The following RNF150 variants were observed in gnomAD, a reference collection of about 807,000 sequenced individuals.
RNF150 encodes ring finger protein 150.
In RNF150, 24 loss-of-function variants were observed where a neutral mutation model predicts 39.3. The observed-to-expected ratio is 0.61, with a 90% CI of 0.44 to 0.86. RNF150 has a LOEUF of 0.86. Among genes scored for constraint, RNF150 ranks in the 40% least tolerant of loss-of-function variants. The pLI is 0.00. For missense variants in RNF150, 502 were observed against 587.8 expected, an observed-to-expected ratio of 0.85 and a Z score of 1.51; for synonymous variants, 255 against 227.3, an observed-to-expected ratio of 1.12 and a Z score of -1.10.
intron 6 of RNF150, among the ~76,000 whole-genome samples, chr4:140,886,190 CAAAA>C (rs1171164182): frequency 1.4e-5 from 1 of 73,358 alleles, no homozygotes; most frequent in Admixed American, 1.8e-4. Context: ...GACTCCATCA[CAAAA>C]AAAAAAAAAA....
chr4:140,998,848 A>C (rs1005081154), intron 1 of RNF150, among the ~76,000 whole-genome samples: 3 of 152,182 alleles, frequency 2.0e-5, no homozygotes, highest in Non-Finnish European at 4.4e-5. Flanking sequence ...GATCTATAAC[A>C]TGCAAACAGC....
intron 6 of RNF150, among the ~76,000 whole-genome samples, chr4:140,885,173 G>T: frequency 6.8e-6 from 1 of 146,024 alleles, no homozygotes; most frequent in East Asian, 2.0e-4. Context: ...AAGAGTTTTA[G>T]TTTCTCTACA....
At chr4:141,209,428 T>C (rs970232570) in intron 1 of RNF150, among the ~76,000 whole-genome samples, 2 of 152,204 alleles carry the variant, frequency 1.3e-5, no homozygotes, top group African/African-American at 2.4e-5. Context: ...TGCCGAACAG[T>C]TGAGCTGATT....
At chr4:141,200,446 G>A (rs373030688) in intron 1 of RNF150, among the ~76,000 whole-genome samples, 2 of 151,122 alleles carry the variant, frequency 1.3e-5, no homozygotes, top group African/African-American at 2.4e-5. Flanking sequence ...ATCACATTGG[G>A]ATACAGACTG....
intron 1 of RNF150, among the ~76,000 whole-genome samples, chr4:141,181,049 A>C (rs533595104): frequency 1.6e-4 from 24 of 152,334 alleles, no homozygotes; most frequent in East Asian, 1.5e-3. Flanking sequence ...ACACATTTTA[A>C]TAAAAGTCTG....
chr4:140,861,259 C>T lies in RNF150; in HGVS notation c.*7002G>A, dbSNP rs1186369396. 1 of 152,092 alleles carries T rather than the reference C, an allele frequency of 6.6e-6. No individual in the cohort carries two copies. The highest frequency in any genetic ancestry group is 6.6e-5 in the Admixed American group (1 of 15,256). The allele number at this position is 152,092 out of a possible 1,614,324, so 9.4% of individuals were successfully genotyped here. A position where few individuals can be genotyped will look rare whatever the true frequency, so the allele number is the denominator to read the frequency against. Reference sequence around the variant, plus strand: ...AGATAACTTACAAAAACAAGCAGTCCCTTGCTTATAACTGCACAAACATTC... The same window carrying T: ...AGATAACTTACAAAAACAAGCAGTCTCTTGCTTATAACTGCACAAACATTC... On this transcript the variant is annotated 3_prime_UTR_variant, in exon 7 of 7. Coordinates refer to ENST00000515673, the MANE Select transcript of RNF150 (RefSeq NM_020724.2).
intron 1 of RNF150, among the ~76,000 whole-genome samples, chr4:141,058,467 G>A (rs112689368): frequency 6.1e-4 from 93 of 152,160 alleles, no homozygotes; most frequent in African/African-American, 1.9e-3. Flanking sequence ...AATATTCTGT[G>A]AACATATTTT....
intron 5 of RNF150, among the ~76,000 whole-genome samples, chr4:140,924,438 T>C (rs1223011716): frequency 6.6e-6 from 1 of 152,246 alleles, no homozygotes; most frequent in East Asian, 1.9e-4. Context: ...TTAAGTTTCA[T>C]TGTCCTGACC....
At chr4:141,206,958 T>C (rs923501788) in intron 1 of RNF150, among the ~76,000 whole-genome samples, 1 of 151,614 alleles carries the variant, frequency 6.6e-6, no homozygotes, top group Non-Finnish European at 1.5e-5. Context: ...TGGAGTCTGA[T>C]GTCCAAGGGC....
chr4:140,935,261 A>C (rs1731819229), intron 4 of RNF150, among the ~76,000 whole-genome samples: 2 of 151,724 alleles, frequency 1.3e-5, no homozygotes, highest in South Asian at 4.2e-4. Flanking sequence ...CAATGGAAGA[A>C]ATTTTTACTT....
chr4:141,196,790 T>C (rs1665637388), intron 1 of RNF150, among the ~76,000 whole-genome samples: 1 of 152,186 alleles, frequency 6.6e-6, no homozygotes, highest in South Asian at 2.1e-4. Flanking sequence ...ACCCTTTTAA[T>C]AAGAGATGAC....
At chr4:141,085,167 G>A (rs926312439) in intron 1 of RNF150, among the ~76,000 whole-genome samples, 5 of 152,214 alleles carry the variant, frequency 3.3e-5, no homozygotes, top group Non-Finnish European at 7.3e-5. Context: ...GCAAAGGCAT[G>A]TCTTACATGG....
At chr4:141,027,659 T>C (rs1301242413) in intron 1 of RNF150, among the ~76,000 whole-genome samples, 1 of 152,144 alleles carries the variant, frequency 6.6e-6, no homozygotes, top group Non-Finnish European at 1.5e-5. Context: ...ATCTTCCCTC[T>C]CTTTTCCTGT....
At chr4:141,117,072 C>G (rs1295868467) in intron 1 of RNF150, among the ~76,000 whole-genome samples, 1 of 152,078 alleles carries the variant, frequency 6.6e-6, no homozygotes, top group Non-Finnish European at 1.5e-5. Context: ...GTGCAGCAAA[C>G]CACCATGGCA....
intron 2 of RNF150, among the ~76,000 whole-genome samples, chr4:140,961,667 C>G (rs754563220): frequency 4.6e-5 from 7 of 152,080 alleles, no homozygotes; most frequent in African/African-American, 7.2e-5. Context: ...TTCCATCCAT[C>G]AAAGGGCTAA....
chr4:140,982,014 T>C (rs1458657143), intron 1 of RNF150, among the ~76,000 whole-genome samples: 1 of 152,200 alleles, frequency 6.6e-6, no homozygotes, highest in Non-Finnish European at 1.5e-5. Context: ...ATGTTATCTA[T>C]AGGCACTTTT....
At chr4:140,922,266 C>T (rs1479412951) in intron 5 of RNF150, among the ~76,000 whole-genome samples, 3 of 151,326 alleles carry the variant, frequency 2.0e-5, no homozygotes, top group African/African-American at 2.4e-5. Context: ...GCAACTTCAG[C>T]GAAGTCTCAG....
chr4:141,111,246 C>T (rs964558188), intron 1 of RNF150, among the ~76,000 whole-genome samples: 5 of 152,170 alleles, frequency 3.3e-5, no homozygotes, highest in African/African-American at 1.2e-4. Flanking sequence ...CTGGGATAAC[C>T]TTGACTAAGG....
At chr4:141,176,924 G>T (rs1036296014) in intron 1 of RNF150, among the ~76,000 whole-genome samples, 6 of 151,970 alleles carry the variant, frequency 3.9e-5, no homozygotes, top group African/African-American at 1.4e-4. Context: ...TCACTTTAAA[G>T]TGGGTTTTTG....
Sources: allele counts gnomAD v4.1 joint callset (sites outside exome capture counted in the v4.1 genomes callset), GRCh38; gene constraint gnomAD v4.1.1; transcripts MANE v1.5; gene names NCBI Gene and HGNC (gene_info 2026-07-23, HGNC 2026-07-21).